Variants in RIMS1 observed in about 807,000 individuals in gnomAD.
The protein encoded by RIMS1 is regulating synaptic membrane exocytosis protein 1.
Under a neutral mutation model 214.1 loss-of-function variants are expected in RIMS1, and 83 were observed. The observed-to-expected ratio is 0.39, with a 90% CI of 0.32 to 0.47. RIMS1 has a LOEUF of 0.47. Among genes scored for constraint, RIMS1 ranks in the 20% least tolerant of loss-of-function variants. The pLI is 0.99. For missense variants in RIMS1, 2,050 were observed against 2,161.8 expected, an observed-to-expected ratio of 0.95 and a Z score of 1.03; for synonymous variants, 793 against 786.8, an observed-to-expected ratio of 1.01 and a Z score of -0.13.
At chr6:72,109,231 G>C (rs2035481521) in intron 4 of RIMS1, among the ~76,000 whole-genome samples, 1 of 152,088 alleles carries the variant, frequency 6.6e-6, no homozygotes. Context: ...TGGGATGGCT[G>C]GGTCAAATGG....
chr6:71,940,658 A>C (rs1785794825), intron 1 of RIMS1, among the ~76,000 whole-genome samples: 1 of 152,204 alleles, frequency 6.6e-6, no homozygotes, highest in Non-Finnish European at 1.5e-5. Flanking sequence ...ATGCAGAAGG[A>C]TTTTCAAGTG....
intron 2 of RIMS1, among the ~76,000 whole-genome samples, chr6:72,068,018 A>C (rs1006933559): frequency 3.9e-5 from 6 of 152,212 alleles, no homozygotes; most frequent in African/African-American, 1.4e-4. Context: ...TTCAGGAATC[A>C]TACAATAGAA....
chr6:72,089,691 A>G (rs1265273173), intron 2 of RIMS1, among the ~76,000 whole-genome samples: 3 of 151,306 alleles, frequency 2.0e-5, no homozygotes, highest in Non-Finnish European at 4.4e-5. Flanking sequence ...ATGACTATAA[A>G]TCATGCTGCT....
At chr6:71,892,590 T>A (rs1582937795) in intron 1 of RIMS1, among the ~76,000 whole-genome samples, 1 of 152,126 alleles carries the variant, frequency 6.6e-6, no homozygotes, top group Admixed American at 6.6e-5. Context: ...GCTTGCTGTT[T>A]TGCCCACAGG....
intron 23 of RIMS1, among the ~76,000 whole-genome samples, chr6:72,276,393 A>G (rs984423355): frequency 2.0e-5 from 3 of 152,144 alleles, no homozygotes; most frequent in Non-Finnish European, 2.9e-5. Context: ...ATTAAGCAAA[A>G]TGGAAATTCA....
intron 29 of RIMS1, among the ~76,000 whole-genome samples, chr6:72,356,198 A>G (rs1251210547): frequency 1.3e-5 from 2 of 152,160 alleles, no homozygotes; most frequent in African/African-American, 4.8e-5. Context: ...TATCTTTGGA[A>G]CGTATGAACT....
chr6:72,159,609 G>A (rs1314683533), intron 4 of RIMS1, among the ~76,000 whole-genome samples: 2 of 140,420 alleles, frequency 1.4e-5, no homozygotes, highest in African/African-American at 4.9e-5. Context: ...TCTACATATG[G>A]CTAGCCAGTT....
At position 72,290,695 on chromosome 6, in the gene RIMS1, C is replaced by G. The variant is rs1428169259; in HGVS notation, c.3571C>G (p.Leu1191Val). 1 of 1,613,492 alleles carries G rather than the reference C, an allele frequency of 6.2e-7. No individual in the cohort carries two copies. The highest frequency in any genetic ancestry group is 8.5e-7 in the Non-Finnish European group (1 of 1,179,614). The change falls in exon 25 of 34, where the codon CTT becomes GTT. Residue 1191 changes from leucine to valine, a missense_variant. By Grantham distance (32) the Leu-to-Val change is conservative. This residue lies in a region of RIMS1 where 889 missense variants were observed against 885.5 expected (regional missense o/e 1.00). Coordinates refer to ENST00000521978, the MANE Select transcript of RIMS1 (RefSeq NM_014989.7). The stretch of plus-strand genomic sequence containing the variant: ...ATGTTTTAGGGTTCTCCCAACATGT[C>G]TTTCTAGAAGGGGACACGCAGCCCC... ...SDAERVLPTCLSRRGHAAPRA... is the reference protein window; with the variant it reads ...SDAERVLPTCVSRRGHAAPRA...
intron 1 of RIMS1, among the ~76,000 whole-genome samples, chr6:71,915,082 T>A (rs1171831492): frequency 6.6e-6 from 1 of 152,138 alleles, no homozygotes; most frequent in Non-Finnish European, 1.5e-5. Flanking sequence ...ATGGCGAAAG[T>A]ATCCCTAAAT....
At chr6:72,252,937 A>G (rs1215293768) in intron 16 of RIMS1, 105 bp downstream of exon 16, 8 of 777,712 alleles carry the variant, frequency 1.0e-5, no homozygotes, top group African/African-American at 8.7e-5. Context: ...TTTATAGCAC[A>G]GAGAAATCAG....
chr6:72,060,711 G>T (rs887511907), intron 2 of RIMS1, among the ~76,000 whole-genome samples: 2 of 152,068 alleles, frequency 1.3e-5, no homozygotes, highest in African/African-American at 2.4e-5. Flanking sequence ...TATCTTCCCT[G>T]AACAGCGAAG....
intron 4 of RIMS1, among the ~76,000 whole-genome samples, chr6:72,118,887 G>A (rs964258055): frequency 6.6e-6 from 1 of 151,664 alleles, no homozygotes; most frequent in Non-Finnish European, 1.5e-5. Flanking sequence ...GGGAAAAGTT[G>A]AAAGCATTTC....
intron 2 of RIMS1, among the ~76,000 whole-genome samples, chr6:72,083,027 G>T (rs1833793847): frequency 6.6e-6 from 1 of 152,134 alleles, no homozygotes; most frequent in South Asian, 2.1e-4. Context: ...AATGTTGAAA[G>T]CTCCCCTCCC....
chr6:72,350,385 G>A (rs2097404739), intron 29 of RIMS1, among the ~76,000 whole-genome samples: 1 of 152,090 alleles, frequency 6.6e-6, no homozygotes, highest in Admixed American at 6.6e-5. Context: ...AAGTGGCTCT[G>A]TAATAAGTGA....
intron 2 of RIMS1, among the ~76,000 whole-genome samples, chr6:72,080,877 C>A (rs780254884): frequency 6.6e-6 from 1 of 152,140 alleles, no homozygotes; most frequent in Admixed American, 6.6e-5. Flanking sequence ...TCAGTAGTAA[C>A]AAAACATTAC....
intron 6 of RIMS1, among the ~76,000 whole-genome samples, chr6:72,185,277 C>T (rs936696755): frequency 6.7e-6 from 1 of 148,172 alleles, no homozygotes; most frequent in African/African-American, 2.5e-5. Context: ...AGGATTACAC[C>T]ATTGAAGATG....
chr6:72,338,722 C>T (rs1286257890), intron 29 of RIMS1, among the ~76,000 whole-genome samples: 1 of 151,708 alleles, frequency 6.6e-6, no homozygotes, highest in African/African-American at 2.4e-5. Context: ...ATACTATTCC[C>T]ATTTTAAAGT....
chr6:72,175,759 C>A (rs2047620725), intron 4 of RIMS1, among the ~76,000 whole-genome samples: 1 of 151,844 alleles, frequency 6.6e-6, no homozygotes, highest in South Asian at 2.1e-4. Flanking sequence ...GGGCACATTT[C>A]TTTTGTTCTG....
At chr6:72,268,327 G>A (rs571438480) in intron 22 of RIMS1, among the ~76,000 whole-genome samples, 19 of 152,178 alleles carry the variant, frequency 1.2e-4, no homozygotes, top group Admixed American at 1.0e-3. Flanking sequence ...CTAATTTACC[G>A]CAGGGATTAT....
Sources: gnomAD v4.1 joint callset for allele counts (sites outside exome capture counted in the v4.1 genomes callset) on GRCh38, gnomAD v4.1.1 for gene constraint, gnomAD v4.1.1 regional missense constraint, MANE v1.5 for transcripts, NCBI Gene and HGNC (gene_info 2026-07-23, HGNC 2026-07-21) for gene names.